SIPA1L1: variants seen among roughly 807,000 people sequenced by gnomAD.
SIPA1L1 encodes signal-induced proliferation-associated 1-like protein 1.
SIPA1L1 carries 26 observed loss-of-function variants against 162.7 expected under a neutral mutation model. The ratio of observed to expected loss-of-function variants is 0.16; its 90% CI spans 0.12 to 0.22. The LOEUF is 0.22. SIPA1L1 is among the 10% of genes least tolerant of loss of function. The probability of loss-of-function intolerance (pLI) is 1.00; values close to 1 mark genes in which losing one functional copy is unlikely to be tolerated. For synonymous variants in SIPA1L1, 829 were observed against 837.4 expected, an observed-to-expected ratio of 0.99 and a Z score of 0.17; for missense variants, 1,874 against 2,241.0, an observed-to-expected ratio of 0.84 and a Z score of 3.31.
chr14:71,479,447 G>A (rs2048167922), intron 2 of SIPA1L1, among the ~76,000 whole-genome samples: 1 of 152,086 alleles, frequency 6.6e-6, no homozygotes, highest in Non-Finnish European at 1.5e-5. Context: ...CCAGGCTGGA[G>A]TTTAGTGGCA....
Position 71,739,483 on chromosome 14 carries a change from G to A in SIPA1L1, c.*322G>A, listed in dbSNP as rs564659734. The A allele has an allele frequency of 3.0e-5, 5 of 165,630 alleles. No individual in the cohort carries two copies. Among genetic ancestry groups the A allele is most frequent in the African/African-American group, 7.1e-5 (3 of 41,994 alleles). 10.3% of individuals were successfully genotyped at this position (165,630 alleles called of 1,614,324 possible). Reference sequence around the variant, plus strand: ...AAGAAACTGGGCCTTGGACCAGGGCGCCCCCTGGCCCATCCGCCTCTATTC... The same window carrying A: ...AAGAAACTGGGCCTTGGACCAGGGCACCCCCTGGCCCATCCGCCTCTATTC... On this transcript the variant is annotated 3_prime_UTR_variant, in exon 24 of 24. Coordinates refer to ENST00000381232, the MANE Select transcript of SIPA1L1 (RefSeq NM_001386936.1).
intron 10 of SIPA1L1, among the ~76,000 whole-genome samples, chr14:71,661,777 A>T (rs531456032): frequency 6.6e-6 from 1 of 152,210 alleles, no homozygotes; most frequent in Non-Finnish European, 1.5e-5. Flanking sequence ...TTCTTTTGGC[A>T]TGGCAAGAGC....
chr14:71,460,453 C>T (rs746550488), intron 2 of SIPA1L1, among the ~76,000 whole-genome samples: 16 of 152,266 alleles, frequency 1.1e-4, no homozygotes, highest in Middle Eastern at 3.4e-3. Flanking sequence ...TCTTCTTTAC[C>T]TTTGTTGTGG....
intron 4 of SIPA1L1, among the ~76,000 whole-genome samples, chr14:71,580,010 A>AT (rs1555464563): frequency 8.5e-5 from 13 of 152,212 alleles, no homozygotes; most frequent in Non-Finnish European, 1.9e-4. Flanking sequence ...CAAATCGCCA[A>AT]TGTTAGCAGC....
rs1566929633 is a variant in SIPA1L1, at chr14:71,359,921, AT to A, written c.-465+38745del. Among the ~76,000 whole-genome samples, 7 of 152,334 alleles carry A rather than the reference AT, an allele frequency of 4.6e-5. No individual in the cohort carries two copies. In the South Asian group the frequency reaches 1.4e-3, roughly 32 times the overall value. On this transcript the variant is annotated intron_variant, in intron 2 of 23. Transcript: ENST00000381232. ...AGATACAGACTTGGACATGTAGCTGATTTTTAACATAAGTGGTTTAAAAGGT... is the reference window on the plus strand; with the variant it reads ...AGATACAGACTTGGACATGTAGCTGATTTTAACATAAGTGGTTTAAAAGGT...
chr14:71,530,919 A>G (rs533845506), intron 4 of SIPA1L1, among the ~76,000 whole-genome samples: 5 of 152,366 alleles, frequency 3.3e-5, no homozygotes, highest in South Asian at 2.1e-4. Context: ...GAAAGAGGCT[A>G]TAAATCTGTT....
intron 19 of SIPA1L1, 104 bp downstream of exon 19, chr14:71,724,939 T>C: frequency 9.9e-7 from 1 of 1,013,294 alleles, no homozygotes; most frequent in Non-Finnish European, 1.5e-6. Context: ...TACTGGCTGC[T>C]CTTCACTAAG....
chr14:71,700,269 G>T (rs1055048447), intron 14 of SIPA1L1, among the ~76,000 whole-genome samples: 1 of 152,292 alleles, frequency 6.6e-6, no homozygotes, highest in South Asian at 2.1e-4. Flanking sequence ...AAGCAAGTGG[G>T]CACTGTGGTC....
chr14:71,321,442 G>A (rs753083737), intron 2 of SIPA1L1: 1 of 152,328 alleles, frequency 6.6e-6, no homozygotes, highest in Non-Finnish European at 1.5e-5. Context: ...CTCTGCGGGA[G>A]GCCAGGAGAC....
At chr14:71,508,078 C>T (rs2050820942) in intron 2 of SIPA1L1, among the ~76,000 whole-genome samples, 1 of 152,210 alleles carries the variant, frequency 6.6e-6, no homozygotes, top group Non-Finnish European at 1.5e-5. Context: ...ATGCCTGTTT[C>T]ATGCTGGCCA....
intron 2 of SIPA1L1, among the ~76,000 whole-genome samples, chr14:71,436,331 TCTTA>T (rs1182484323): frequency 6.6e-5 from 10 of 152,340 alleles, no homozygotes; most frequent in Non-Finnish European, 1.0e-4. Flanking sequence ...GAATTTTATG[TCTTA>T]CTTAGGTCTT....
In SIPA1L1 at chr14:71,508,639, C is replaced by T. The variant is rs1229645853; in HGVS notation, c.-464-4104C>T. Among the ~76,000 whole-genome samples, 5 of 152,166 alleles carry T rather than the reference C, an allele frequency of 3.3e-5. No homozygotes were observed. The South Asian group carries it at 1.0e-3, about 32-fold the overall frequency. On this transcript the variant is annotated intron_variant, in intron 2 of 23. Transcript: ENST00000381232. Reference sequence around the variant, plus strand: ...TGATTCACCTTGCATACTTTTATTTCCGAACAAATATGTTTTAACCAAAAA... The same window carrying T: ...TGATTCACCTTGCATACTTTTATTTTCGAACAAATATGTTTTAACCAAAAA...
At chr14:71,601,730 G>A (rs2036780324) in intron 5 of SIPA1L1, among the ~76,000 whole-genome samples, 1 of 151,992 alleles carries the variant, frequency 6.6e-6, no homozygotes, top group Non-Finnish European at 1.5e-5. Context: ...CTTCTTTATT[G>A]GGAGACTTTT....
chr14:71,356,567 C>CAAAAAGAAAAAAAAAAA (rs2037267784), intron 2 of SIPA1L1, among the ~76,000 whole-genome samples: 1 of 39,172 alleles, frequency 2.6e-5, no homozygotes, highest in East Asian at 7.9e-4. Context: ...CTTGTCTCTA[C>CAAAAAGAAAAAAAAAAA]AAAAAAAAAA....
At chr14:71,533,395 C>T (rs894543959) in intron 4 of SIPA1L1, among the ~76,000 whole-genome samples, 1 of 152,068 alleles carries the variant, frequency 6.6e-6, no homozygotes, top group African/African-American at 2.4e-5. Context: ...ACTTCTTTCC[C>T]AGCGCTGTGT....
intron 10 of SIPA1L1, among the ~76,000 whole-genome samples, chr14:71,669,314 G>T (rs1333739436): frequency 1.3e-5 from 2 of 152,168 alleles, no homozygotes. Flanking sequence ...TGGATCTGCA[G>T]AAAGCCAGTT....
At chr14:71,413,617 A>C (rs148515660) in intron 2 of SIPA1L1, among the ~76,000 whole-genome samples, 2 of 152,136 alleles carry the variant, frequency 1.3e-5, no homozygotes, top group Non-Finnish European at 2.9e-5. Context: ...CACACCTGTA[A>C]TCCCAGCTAC....
intron 8 of SIPA1L1, among the ~76,000 whole-genome samples, chr14:71,653,886 A>G (rs890436867): frequency 2.6e-5 from 4 of 152,152 alleles, no homozygotes; most frequent in African/African-American, 9.7e-5. Flanking sequence ...GCTAGCAAGC[A>G]TTAGGAAAGT....
intron 2 of SIPA1L1, among the ~76,000 whole-genome samples, chr14:71,334,391 C>T (rs1042692723): frequency 2.6e-5 from 4 of 152,074 alleles, no homozygotes; most frequent in Non-Finnish European, 4.4e-5. Context: ...TAGCATATGC[C>T]CTCCAAAGCC....
Sources: allele counts gnomAD v4.1 joint callset (sites outside exome capture counted in the v4.1 genomes callset), GRCh38; gene constraint gnomAD v4.1.1; transcripts MANE v1.5; gene names NCBI Gene and HGNC (gene_info 2026-07-23, HGNC 2026-07-21).